Variants in YWHAQ observed in about 807,000 individuals in gnomAD.
The protein encoded by YWHAQ is 14-3-3 protein theta.
Under a neutral mutation model 28.3 loss-of-function variants are expected in YWHAQ, and 6 were observed. That is an observed-to-expected ratio of 0.21 (90% CI 0.12 to 0.42). The LOEUF (loss-of-function observed/expected upper bound fraction) is 0.42. Ranked by LOEUF, YWHAQ falls within the 10% of genes least tolerant of loss-of-function variation. YWHAQ has a pLI of 1.00. For missense variants in YWHAQ, 201 were observed against 305.6 expected, an observed-to-expected ratio of 0.66 and a Z score of 2.55; for synonymous variants, 143 against 119.1, an observed-to-expected ratio of 1.20 and a Z score of -1.31.
chr2:9,630,462 G>C lies in YWHAQ; in HGVS notation c.-10C>G, dbSNP rs545839277. 5.6e-4 allele frequency: 876 copies of C among 1,574,766 alleles called. 2 individuals are homozygous for C. The highest frequency in any genetic ancestry group is 7.2e-4 in the Non-Finnish European group (838 of 1,162,698). The stretch of plus-strand genomic sequence containing the variant: ...GCTCAGTCTTCTCCATGGCGGGCGC[G>C]GGGCCGGGGCCGGGGCGGAGGGCGA... On this transcript the variant is annotated 5_prime_UTR_variant, in exon 2 of 6. Coordinates refer to ENST00000238081, the MANE Select transcript of YWHAQ (RefSeq NM_006826.4). This position sits in a 1 kb window ranked among gnomAD's most constrained non-coding sequence, Gnocchi z 5.6.
intron 2 of YWHAQ, among the ~76,000 whole-genome samples, chr2:9,601,430 C>A (rs1209866810): frequency 1.3e-5 from 2 of 152,152 alleles, no homozygotes; most frequent in East Asian, 3.8e-4. Context: ...TGCACCACTG[C>A]ATTCCAGCCT....
chr2:9,585,287 T>C lies in YWHAQ; in HGVS notation c.737A>G (p.Ter246=), dbSNP rs1196122516. 1 of 1,614,166 alleles carries C rather than the reference T, an allele frequency of 6.2e-7. No homozygotes were observed. ...AGAAGGATGACACCCTGTATGGATT[T>C]AGTTTTCAGCCCCTTCTGCCGCATC... ...ECDAAEGAEN[*] Residue 246 remains the stop codon, a stop_retained_variant, in exon 6 of 6, where the codon TAA becomes TGA. Coordinates refer to ENST00000238081, the MANE Select transcript of YWHAQ (RefSeq NM_006826.4).
At chr2:9,629,091 A>T (rs796390717) in intron 2 of YWHAQ, among the ~76,000 whole-genome samples, 27 of 151,882 alleles carry the variant, frequency 1.8e-4, no homozygotes, top group African/African-American at 6.5e-4. Flanking sequence ...GGCCAGGGAG[A>T]AATTATTTCT....
intron 2 of YWHAQ, among the ~76,000 whole-genome samples, chr2:9,617,152 C>G (rs372573022): frequency 3.2e-4 from 48 of 149,532 alleles, no homozygotes; most frequent in Non-Finnish European, 5.6e-4. Flanking sequence ...TTAGTAGAGA[C>G]GGGGTTTCAC....
At position 9,630,546 on chromosome 2, in the gene YWHAQ, C is replaced by T. The variant is rs1441919378; in HGVS notation, c.-82-12G>A. 3.9e-6 allele frequency: 5 copies of T among 1,279,622 alleles called. No homozygotes were observed. The highest frequency in any genetic ancestry group is 5.2e-6 in the Non-Finnish European group (5 of 959,100). 79.3% of individuals were successfully genotyped at this position (1,279,622 alleles called of 1,614,324 possible). Reference sequence around the variant, plus strand: ...AGGAGCCTCGAGAGCTGCGGAGGGGCGGGGCGGCGAGGCGAGAACAAAAAG... The same window carrying T: ...AGGAGCCTCGAGAGCTGCGGAGGGGTGGGGCGGCGAGGCGAGAACAAAAAG... On this transcript the variant is annotated splice_polypyrimidine_tract_variant and intron_variant, in intron 1 of 5. Coordinates refer to ENST00000238081, the MANE Select transcript of YWHAQ (RefSeq NM_006826.4). This position sits in a 1 kb window ranked among gnomAD's most constrained non-coding sequence, Gnocchi z 5.6.
rs529141413 is a variant in YWHAQ, at chr2:9,614,198, A to T, written c.294+15961T>A. 2.6e-5 allele frequency among the ~76,000 whole-genome samples: 4 copies of T among 152,326 alleles called. No individual in the cohort carries two copies. The South Asian group carries it at 8.3e-4, about 32-fold the overall frequency. On this transcript the variant is annotated intron_variant, in intron 2 of 5. Coordinates refer to ENST00000238081, the MANE Select transcript of YWHAQ (RefSeq NM_006826.4). The stretch of plus-strand genomic sequence containing the variant: ...TTCAGGTTTGGAAGAAAAGTTTAAT[A>T]CTTCCACTGGTGACACATACTACAT...
At chr2:9,614,746 G>A (rs1439984236) in intron 2 of YWHAQ, among the ~76,000 whole-genome samples, 9 of 152,098 alleles carry the variant, frequency 5.9e-5, no homozygotes, top group African/African-American at 1.7e-4. Context: ...CCACTACTAC[G>A]TTATAGAAAT....
intron 2 of YWHAQ, among the ~76,000 whole-genome samples, chr2:9,591,836 C>G (rs1041838839): frequency 6.6e-6 from 1 of 152,230 alleles, no homozygotes; most frequent in African/African-American, 2.4e-5. Context: ...CTGCTAGGTG[C>G]TATAACGGAT....
intron 3 of YWHAQ, among the ~76,000 whole-genome samples, chr2:9,589,794 T>C (rs963554452): frequency 6.6e-6 from 1 of 152,144 alleles, no homozygotes; most frequent in Non-Finnish European, 1.5e-5. Context: ...CTAGCCTAAT[T>C]AAAATGTTAC....
rs571223486 is a variant in YWHAQ, at chr2:9,620,583, A to T, written c.294+9576T>A. On this transcript the variant is annotated intron_variant, in intron 2 of 5. Transcript: ENST00000238081. ...GGTATTGGGAGGGGCAAGTTAAGAGATTATTAACTTCATATTATCCTTCTC... is the reference window on the plus strand; with the variant it reads ...GGTATTGGGAGGGGCAAGTTAAGAGTTTATTAACTTCATATTATCCTTCTC... 11 of 152,280 alleles carry T rather than the reference A, an allele frequency of 7.2e-5. No individual in the cohort carries two copies. In the East Asian group the frequency reaches 7.7e-4, roughly 11 times the overall value. The allele number at this position is 152,280 out of a possible 1,614,324, so 9.4% of individuals were successfully genotyped here.
intron 2 of YWHAQ, among the ~76,000 whole-genome samples, chr2:9,621,103 A>C (rs1667133698): frequency 6.6e-6 from 1 of 152,214 alleles, no homozygotes; most frequent in Admixed American, 6.5e-5. Context: ...AGGAGGTGGA[A>C]TACTACAATA....
At chr2:9,605,170 ACT>A (rs1666796861) in intron 2 of YWHAQ, among the ~76,000 whole-genome samples, 1 of 132,990 alleles carries the variant, frequency 7.5e-6, no homozygotes, top group Admixed American at 8.0e-5. Context: ...ACAGGGTCTC[ACT>A]CTGTTGCTCA....
At chr2:9,623,068 G>A (rs978782131) in intron 2 of YWHAQ, among the ~76,000 whole-genome samples, 3 of 152,216 alleles carry the variant, frequency 2.0e-5, no homozygotes, top group Non-Finnish European at 4.4e-5. Context: ...GCAACACCTT[G>A]ACTGAACTAA....
chr2:9,592,249 C>A (rs1459286416), intron 2 of YWHAQ, among the ~76,000 whole-genome samples: 1 of 152,046 alleles, frequency 6.6e-6, no homozygotes, highest in African/African-American at 2.4e-5. Context: ...TTTAGGTCTA[C>A]GAAATCTAAT....
intron 2 of YWHAQ, among the ~76,000 whole-genome samples, chr2:9,625,269 A>G (rs1667228274): frequency 6.6e-6 from 1 of 151,742 alleles, no homozygotes; most frequent in African/African-American, 2.4e-5. Context: ...CACAAAAAAA[A>G]AAAAAACCCA....
rs1038756001 is a variant in YWHAQ, at chr2:9,617,121, C to A, written c.294+13038G>T. On this transcript the variant is annotated intron_variant, in intron 2 of 5. Transcript: ENST00000238081. ...GACTACAGGTGCCTGCCACTACGCC[C>A]GGCTAATTTTTTTTTTTTTTTTAGT... Among the ~76,000 whole-genome samples, 5 of 146,820 alleles carry A rather than the reference C, an allele frequency of 3.4e-5. No homozygotes were observed. The East Asian group carries it at 9.7e-4, about 29-fold the overall frequency.
intron 2 of YWHAQ, among the ~76,000 whole-genome samples, chr2:9,598,569 TG>T (rs757428723): frequency 2.0e-5 from 3 of 152,246 alleles, no homozygotes; most frequent in Non-Finnish European, 4.4e-5. Context: ...TGGCACATTT[TG>T]GTAATTCTCC....
intron 2 of YWHAQ, among the ~76,000 whole-genome samples, chr2:9,616,123 A>G (rs1288222128): frequency 6.6e-6 from 1 of 152,228 alleles, no homozygotes; most frequent in Non-Finnish European, 1.5e-5. Flanking sequence ...CTTGGCTAGA[A>G]CACAGGAACC....
intron 2 of YWHAQ, chr2:9,620,626 A>G (rs1198554461): frequency 6.6e-6 from 1 of 152,254 alleles, no homozygotes; most frequent in East Asian, 1.9e-4. Flanking sequence ...GAAAGCAGAA[A>G]GACATTCCAA....
Sources: allele counts gnomAD v4.1 joint callset (sites outside exome capture counted in the v4.1 genomes callset), GRCh38; gene constraint gnomAD v4.1.1; non-coding constraint Gnocchi (gnomAD v3.1); transcripts MANE v1.5; gene names NCBI Gene and HGNC (gene_info 2026-07-23, HGNC 2026-07-21).